RAP1GAP2: variants seen among roughly 807,000 people sequenced by gnomAD.
The protein encoded by RAP1GAP2 is RAP1 GTPase activating protein 2.
Under a neutral mutation model 95.0 loss-of-function variants are expected in RAP1GAP2, and 27 were observed. That is an observed-to-expected ratio of 0.28 (90% CI 0.21 to 0.39). The LOEUF (loss-of-function observed/expected upper bound fraction) is 0.39, where lower values mean the gene tolerates loss of function less well. Among genes scored for constraint, RAP1GAP2 ranks in the 10% least tolerant of loss-of-function variants. RAP1GAP2 has a pLI of 1.00. For synonymous variants in RAP1GAP2, 373 were observed against 380.9 expected (o/e 0.98, Z 0.24); for missense variants, 771 against 970.0 (o/e 0.79, Z 2.72).
intron 11 of RAP1GAP2, among the ~76,000 whole-genome samples, chr17:2,985,844 A>G (rs1378846688): frequency 1.3e-5 from 2 of 152,152 alleles, no homozygotes; most frequent in African/African-American, 4.8e-5. Flanking sequence ...TGTTGAACTT[A>G]GTGGTTTCCA....
Position 2,820,892 on chromosome 17 carries a change from G to GTT in RAP1GAP2, c.80+20358_80+20359dup, listed in dbSNP as rs59814346. Among the ~76,000 whole-genome samples, 171 of 104,072 alleles carry GTT rather than the reference G, an allele frequency of 1.6e-3. 2 individuals carry two copies. Among genetic ancestry groups the GTT allele is most frequent in the East Asian group, 5.1e-3 (20 of 3,904 alleles). The allele number at this position is 104,072 out of a possible 152,430, so 68.3% of individuals were successfully genotyped here. ...GCCCGCCACCACGGCCCGGATAATG[G>GTT]TTTTTTTTTTTTTTTTTGTATTTTT... is the stretch of plus-strand genomic sequence containing the variant. On this transcript the variant is annotated intron_variant, in intron 2 of 24. Transcript: ENST00000254695.
intron 3 of RAP1GAP2, among the ~76,000 whole-genome samples, chr17:2,943,052 A>C (rs2043564240): frequency 6.6e-6 from 1 of 152,100 alleles, no homozygotes; most frequent in South Asian, 2.1e-4. Context: ...TACAGGTGTG[A>C]ACCACCACAC....
intron 2 of RAP1GAP2, among the ~76,000 whole-genome samples, chr17:2,814,327 G>C (rs2069905967): frequency 6.6e-6 from 1 of 152,162 alleles, no homozygotes; most frequent in Non-Finnish European, 1.5e-5. Context: ...GGTGGAACTT[G>C]CTGTGTGTGG....
chr17:2,843,729 G>T (rs1386249464), intron 2 of RAP1GAP2, among the ~76,000 whole-genome samples: 1 of 152,178 alleles, frequency 6.6e-6, no homozygotes, highest in East Asian at 1.9e-4. Flanking sequence ...CGCCTTCCCA[G>T]AGTCATGCTG....
chr17:2,917,350 A>C (rs891137629), intron 3 of RAP1GAP2, among the ~76,000 whole-genome samples: 4 of 151,490 alleles, frequency 2.6e-5, no homozygotes, highest in African/African-American at 9.7e-5. Flanking sequence ...GGCTCACTGC[A>C]ACCTCTGCCT....
At chr17:2,838,016 C>CTTTTTTTTTT (rs71153304) in intron 2 of RAP1GAP2, among the ~76,000 whole-genome samples, 6 of 94,442 alleles carry the variant, frequency 6.4e-5, no homozygotes, top group South Asian at 3.7e-4. Context: ...TTCTTTTTTC[C>CTTTTTTTTTT]TTTTTTTTTT....
intron 8 of RAP1GAP2, among the ~76,000 whole-genome samples, chr17:2,979,810 A>C (rs1409772736): frequency 6.6e-6 from 1 of 151,964 alleles, no homozygotes; most frequent in African/African-American, 2.4e-5. Context: ...CCTAAGTAGG[A>C]TTCCGTTTTC....
At chr17:2,881,414 C>A (rs1445482788) in intron 2 of RAP1GAP2, among the ~76,000 whole-genome samples, 1 of 151,918 alleles carries the variant, frequency 6.6e-6, no homozygotes, top group Non-Finnish European at 1.5e-5. Flanking sequence ...AGGTGGTGGT[C>A]TGTGTGTGGC....
At position 2,849,998 on chromosome 17, in the gene RAP1GAP2, G is replaced by GTTTTTTT. The variant is rs1363363543; in HGVS notation, c.80+49448_80+49449insTTTTTTT. 1.8e-4 allele frequency among the ~76,000 whole-genome samples: 24 copies of GTTTTTTT among 136,132 alleles called. 4 individuals carry two copies. Among genetic ancestry groups the GTTTTTTT allele is most frequent in the Non-Finnish European group, 1.1e-4 (7 of 63,950 alleles). The allele number at this position is 136,132 out of a possible 152,430, so 89.3% of individuals were successfully genotyped here. A position where few individuals can be genotyped will look rare whatever the true frequency, so the allele number is the denominator to read the frequency against. On this transcript the variant is annotated intron_variant, in intron 2 of 24. Coordinates refer to ENST00000254695, the MANE Select transcript of RAP1GAP2 (RefSeq NM_015085.5). ...GTGTCACTAACACCTAACACTGCCT[G>GTTTTTTT]CTTTTTTTTTTTTTTTTTTTGAGAT...
chr17:2,889,124 T>C lies in RAP1GAP2; in HGVS notation c.81-16160T>C, dbSNP rs1036696498. ...GCAGTGGGATCGCTGGGTCATGTGG[T>C]TGTTCTGTTTCTAGTGTTTTGAGGA... On this transcript the variant is annotated intron_variant, in intron 2 of 24. Coordinates refer to ENST00000254695, the MANE Select transcript of RAP1GAP2 (RefSeq NM_015085.5). Among the ~76,000 whole-genome samples, 6 of 152,016 alleles carry C rather than the reference T, an allele frequency of 3.9e-5. No homozygotes were observed. In the South Asian group the frequency reaches 1.0e-3, roughly 26 times the overall value.
intron 1 of RAP1GAP2, among the ~76,000 whole-genome samples, chr17:2,768,671 A>C (rs1456930662): frequency 2.0e-5 from 3 of 148,866 alleles, no homozygotes; most frequent in African/African-American, 7.5e-5. Flanking sequence ...TAGGCTGGGC[A>C]ACAAGAGCGA....
At chr17:2,823,225 G>T (rs1489155509) in intron 2 of RAP1GAP2, among the ~76,000 whole-genome samples, 1 of 152,080 alleles carries the variant, frequency 6.6e-6, no homozygotes, top group African/African-American at 2.4e-5. Flanking sequence ...AGCCCTATCG[G>T]CCAGGGAGTC....
chr17:2,757,964 G>C (rs548015989), intron 1 of RAP1GAP2, among the ~76,000 whole-genome samples: 2 of 151,888 alleles, frequency 1.3e-5, no homozygotes, highest in African/African-American at 4.8e-5. Flanking sequence ...CCGCCTGCCG[G>C]GTTCACACCA....
intron 8 of RAP1GAP2, among the ~76,000 whole-genome samples, chr17:2,976,398 A>C (rs1431312956): frequency 1.3e-5 from 2 of 152,240 alleles, no homozygotes; most frequent in Non-Finnish European, 2.9e-5. Context: ...TCAACAATTA[A>C]AATACTGGAG....
intron 2 of RAP1GAP2, among the ~76,000 whole-genome samples, chr17:2,806,565 G>A (rs1354664515): frequency 7.3e-5 from 11 of 150,662 alleles, no homozygotes; most frequent in Non-Finnish European, 1.6e-4. Context: ...GCTACTTTTT[G>A]TATTTTTTTT....
intron 2 of RAP1GAP2, among the ~76,000 whole-genome samples, chr17:2,894,297 G>A (rs1348670896): frequency 1.3e-5 from 2 of 152,208 alleles, no homozygotes; most frequent in Non-Finnish European, 2.9e-5. Context: ...AGGCATGGTG[G>A]TAGGCACCTG....
At chr17:2,829,640 C>T (rs563663591) in intron 2 of RAP1GAP2, among the ~76,000 whole-genome samples, 7 of 152,220 alleles carry the variant, frequency 4.6e-5, no homozygotes, top group Non-Finnish European at 7.4e-5. Flanking sequence ...AACAGAAGTA[C>T]GCTTCTGCCC....
At chr17:2,792,753 C>T (rs1346283556), upstream of RAP1GAP2, among the ~76,000 whole-genome samples, 1 of 152,244 alleles carries the variant, frequency 6.6e-6, no homozygotes, top group Non-Finnish European at 1.5e-5. Context: ...GGCACACCCC[C>T]CGGTGGGGGA....
At chr17:2,939,437 T>G (rs930953323) in intron 3 of RAP1GAP2, among the ~76,000 whole-genome samples, 1 of 152,162 alleles carries the variant, frequency 6.6e-6, no homozygotes, top group Non-Finnish European at 1.5e-5. Flanking sequence ...TGGTGTGAGG[T>G]GCGTGGGAAT....
Sources: allele counts gnomAD v4.1 joint callset (sites outside exome capture counted in the v4.1 genomes callset), GRCh38; gene constraint gnomAD v4.1.1; transcripts MANE v1.5; gene names NCBI Gene and HGNC (gene_info 2026-07-23, HGNC 2026-07-21).